DCC: variants seen among roughly 807,000 people sequenced by gnomAD.
The protein encoded by DCC is netrin receptor DCC.
Under a neutral mutation model 172.5 loss-of-function variants are expected in DCC, and 58 were observed. That is an observed-to-expected ratio of 0.34 (90% CI 0.27 to 0.42). DCC has a LOEUF of 0.42. DCC is among the 10% of genes least tolerant of loss of function. The pLI, the probability that DCC is intolerant of heterozygous loss-of-function variation, is 1.00. For synonymous variants in DCC, 709 were observed against 644.5 expected (o/e 1.10, Z -1.52); for missense variants, 1,740 against 1,791.0 (o/e 0.97, Z 0.51).
intron 27 of DCC, among the ~76,000 whole-genome samples, chr18:53,508,473 A>C (rs2046211164): frequency 6.6e-6 from 1 of 152,208 alleles, no homozygotes. Flanking sequence ...GATTACAGGC[A>C]TGAGCCACCG....
rs549348045 is a variant in DCC, at chr18:52,341,546, A to T, written c.91+668A>T. Among the ~76,000 whole-genome samples the T allele has an allele frequency of 3.9e-5, 6 of 152,248 alleles. No homozygotes were observed. In the East Asian group the frequency reaches 9.7e-4, roughly 25 times the overall value. On this transcript the variant is annotated intron_variant, in intron 1 of 28. Coordinates refer to ENST00000442544, the MANE Select transcript of DCC (RefSeq NM_005215.4). ...AGCTGAGTCTCCATATAGCTCCAGGACACCTCCAAACTCCAAGTGATTGAT... is the reference window on the plus strand; with the variant it reads ...AGCTGAGTCTCCATATAGCTCCAGGTCACCTCCAAACTCCAAGTGATTGAT...
chr18:53,306,605 T>C (rs866217187), intron 13 of DCC, among the ~76,000 whole-genome samples: 1 of 152,230 alleles, frequency 6.6e-6, no homozygotes, highest in African/African-American at 2.4e-5. Context: ...TTCTCACTGG[T>C]TGAGTTCACC....
intron 12 of DCC, among the ~76,000 whole-genome samples, chr18:53,218,836 GTTA>G (rs2055890485): frequency 1.3e-5 from 2 of 152,060 alleles, no homozygotes; most frequent in African/African-American, 4.8e-5. Flanking sequence ...TATTGATTCA[GTTA>G]TTATATATTT....
chr18:52,938,363 G>A (rs2040411834), intron 5 of DCC, among the ~76,000 whole-genome samples: 1 of 152,134 alleles, frequency 6.6e-6, no homozygotes, highest in East Asian at 1.9e-4. Flanking sequence ...AGTGAGAGAA[G>A]ATGAGTGATG....
intron 5 of DCC, among the ~76,000 whole-genome samples, chr18:52,974,247 T>A (rs2041075824): frequency 6.6e-6 from 1 of 152,194 alleles, no homozygotes; most frequent in Non-Finnish European, 1.5e-5. Context: ...CTTCTGATAT[T>A]GTTCACGTAG....
chr18:52,748,164 C>A (rs1011619139), intron 1 of DCC, among the ~76,000 whole-genome samples: 1 of 152,176 alleles, frequency 6.6e-6, no homozygotes, highest in Non-Finnish European at 1.5e-5. Flanking sequence ...TGCTGCAGTG[C>A]GGCAGGCAGC....
chr18:52,862,049 CAT>C (rs1046263362), intron 2 of DCC, among the ~76,000 whole-genome samples: 2 of 152,024 alleles, frequency 1.3e-5, no homozygotes, highest in African/African-American at 2.4e-5. Flanking sequence ...TGACTGATAA[CAT>C]ATCAGAATTT....
intron 12 of DCC, among the ~76,000 whole-genome samples, chr18:53,255,031 T>C (rs2056487827): frequency 6.6e-6 from 1 of 151,888 alleles, no homozygotes; most frequent in Admixed American, 6.6e-5. Flanking sequence ...ACTCCTCTAT[T>C]GGAAACAATG....
At chr18:53,155,985 A>G (rs1370839321) in intron 7 of DCC, among the ~76,000 whole-genome samples, 1 of 152,160 alleles carries the variant, frequency 6.6e-6, no homozygotes, top group Non-Finnish European at 1.5e-5. Flanking sequence ...ACTGACAGGA[A>G]TAAGGTTTTG....
chr18:53,057,288 CAG>C (rs2042421676), intron 5 of DCC, among the ~76,000 whole-genome samples: 1 of 151,868 alleles, frequency 6.6e-6, no homozygotes, highest in Non-Finnish European at 1.5e-5. Flanking sequence ...AAAAGAAAAA[CAG>C]ATAAATTTAA....
At chr18:52,868,033 G>GTATA (rs1555675493) in intron 2 of DCC, among the ~76,000 whole-genome samples, 357 of 120,450 alleles carry the variant, frequency 3.0e-3, no homozygotes, top group East Asian at 0.022. Context: ...GTGTATGTGT[G>GTATA]TATATATATA....
At chr18:53,179,808 A>C (rs1157697388) in intron 9 of DCC, among the ~76,000 whole-genome samples, 3 of 152,174 alleles carry the variant, frequency 2.0e-5, no homozygotes, top group Admixed American at 2.0e-4. Flanking sequence ...GTGCATTTCT[A>C]ATGTTTTTTG....
chr18:53,347,829 T>TA (rs1158919345), intron 15 of DCC, among the ~76,000 whole-genome samples: 1 of 152,028 alleles, frequency 6.6e-6, no homozygotes, highest in Non-Finnish European at 1.5e-5. Flanking sequence ...AACGCCCCTT[T>TA]AAAAAACCAT....
chr18:52,464,003 T>A (rs1988708372), intron 1 of DCC, among the ~76,000 whole-genome samples: 1 of 152,200 alleles, frequency 6.6e-6, no homozygotes. Context: ...TAGTGGGTCC[T>A]CTTCAGCCTC....
In DCC at chr18:52,923,832, C is replaced by T. The variant is rs754914260; in HGVS notation, c.823C>T (p.Arg275Ter). The change falls in exon 4 of 29, where the codon CGA becomes TGA. Residue 275 changes from arginine to a stop codon, truncating the protein, a stop_gained. Transcript: ENST00000442544. LOFTEE classifies it high-confidence loss of function. ...GYPPPSFTWLRGEEVIQLRSK... is the reference protein window; with the variant it reads ...GYPPPSFTWL ...TCCTCCACCAAGTTTTACCTGGTTACGAGGCGAGGAAGTCATCCAACTCAG... is the reference window on the plus strand; with the variant it reads ...TCCTCCACCAAGTTTTACCTGGTTATGAGGCGAGGAAGTCATCCAACTCAG... 2.5e-6 allele frequency: 4 copies of T among 1,613,174 alleles called. No individual in the cohort carries two copies. The highest frequency in any genetic ancestry group is 3.4e-6 in the Non-Finnish European group (4 of 1,179,422).
chr18:52,590,315 A>T (rs1349005283), intron 1 of DCC, among the ~76,000 whole-genome samples: 2 of 152,166 alleles, frequency 1.3e-5, no homozygotes, highest in Non-Finnish European at 2.9e-5. Context: ...AATGCTATGC[A>T]ATGTCGATGT....
At chr18:52,345,253 A>T (rs1983828355) in intron 1 of DCC, among the ~76,000 whole-genome samples, 1 of 152,218 alleles carries the variant, frequency 6.6e-6, no homozygotes, top group Non-Finnish European at 1.5e-5. Flanking sequence ...TGATTAATTG[A>T]TTGATTAACT....
chr18:52,411,084 T>G (rs1986828615), intron 1 of DCC, among the ~76,000 whole-genome samples: 1 of 152,192 alleles, frequency 6.6e-6, no homozygotes, highest in African/African-American at 2.4e-5. Flanking sequence ...CCCACCACTC[T>G]ACTTTTTATC....
chr18:52,938,762 A>C (rs2040418429), intron 5 of DCC, among the ~76,000 whole-genome samples: 1 of 152,118 alleles, frequency 6.6e-6, no homozygotes, highest in African/African-American at 2.4e-5. Context: ...ATCAGCCTTA[A>C]GCCCTCTTTT....
Sources: allele counts gnomAD v4.1 joint callset (sites outside exome capture counted in the v4.1 genomes callset), GRCh38; gene constraint gnomAD v4.1.1; transcripts MANE v1.5; gene names NCBI Gene and HGNC (gene_info 2026-07-23, HGNC 2026-07-21).